SRCIN1: variants seen among roughly 807,000 people sequenced by gnomAD.
SRCIN1 encodes the protein P130Cas-associated protein.
In SRCIN1, 50 loss-of-function variants were observed where a neutral mutation model predicts 116.2. That is an observed-to-expected ratio of 0.43 (90% CI 0.34 to 0.54). The LOEUF is 0.54. Ranked by LOEUF, SRCIN1 falls within the 20% of genes least tolerant of loss-of-function variation. The pLI is 0.02. For missense variants in SRCIN1, 1,446 were observed against 1,672.0 expected (o/e 0.86, Z 2.36); for synonymous variants, 736 against 750.0 (o/e 0.98, Z 0.30).
intron 1 of SRCIN1, among the ~76,000 whole-genome samples, chr17:38,594,920 G>A (rs1225924311): frequency 6.6e-6 from 1 of 152,130 alleles, no homozygotes. Context: ...GCCTAATGAT[G>A]TTGCCCTTAG....
chr17:38,601,350 G>A (rs2143466195), intron 1 of SRCIN1, among the ~76,000 whole-genome samples: 1 of 152,316 alleles, frequency 6.6e-6, no homozygotes, highest in South Asian at 2.1e-4. Context: ...TCAGAGACAT[G>A]GGTGGGAGAT....
intron 3 of SRCIN1, among the ~76,000 whole-genome samples, chr17:38,566,344 T>C (rs912034717): frequency 2.6e-5 from 4 of 152,154 alleles, no homozygotes; most frequent in African/African-American, 9.7e-5. Context: ...TCTCACAGCC[T>C]GTACAGAAAA....
rs767393301 is a variant in SRCIN1 at position 38,559,718 on chromosome 17, G to A, written c.1892C>T (p.Pro631Leu). The change falls in exon 10 of 19, where the codon CCG (proline) becomes CTG (leucine). Residue 631 changes from proline (P) to leucine (L), a missense_variant. This residue lies in a region of SRCIN1 where 398 missense variants were observed against 385.6 expected (regional missense o/e 1.03). Transcript: ENST00000617146. ...SGATPVSGPP[P>L]PSASSTPAGQ... ...TGCGGGGGTGCTGCTGGCCGAGGGC[G>A]GGGGCGGGCCGGACACCGGGGTGGC... 3.2e-6 allele frequency: 5 copies of A among 1,571,040 alleles called. No individual in the cohort carries two copies. The highest frequency in any genetic ancestry group is 2.7e-5 in the African/African-American group (2 of 74,086).
Position 38,549,133 on chromosome 17 carries a change from G to A in SRCIN1, c.3040C>T (p.Pro1014Ser). The change falls in exon 16 of 19, where the codon CCC (proline) becomes TCC (serine). Residue 1014 changes from proline (P) to serine (S), a missense_variant. By Grantham distance (74) the Pro-to-Ser change is moderately conservative. Around this residue, in one of 5 missense-constraint regions of SRCIN1, gnomAD observed 531 missense variants for 633.9 expected, o/e 0.84. Transcript: ENST00000617146. ...PPPPPPRRSFPSSHGLTTTRT... is the reference protein window; with the variant it reads ...PPPPPPRRSFSSSHGLTTTRT... Reference sequence around the variant, plus strand: ...GTGGTGGTCAGGCCATGGGAGGAGGGGAAGCTCCGGCGGGGAGGGGGCGGT... The same window carrying A: ...GTGGTGGTCAGGCCATGGGAGGAGGAGAAGCTCCGGCGGGGAGGGGGCGGT... 1 of 1,604,810 alleles carries A rather than the reference G, an allele frequency of 6.2e-7. No individual in the cohort carries two copies. The highest frequency in any genetic ancestry group is 8.5e-7 in the Non-Finnish European group (1 of 1,176,680).
At position 38,561,756 on chromosome 17, in the gene SRCIN1, G is replaced by A; in HGVS notation, c.1407C>T (p.Arg469=). 1 of 1,512,480 alleles carries A rather than the reference G, an allele frequency of 6.6e-7. No individual in the cohort carries two copies. The highest frequency in any genetic ancestry group is 8.8e-7 in the Non-Finnish European group (1 of 1,136,316). The allele number at this position is 1,512,480 out of a possible 1,614,324, so 93.7% of individuals were successfully genotyped here. A position where few individuals can be genotyped will look rare whatever the true frequency, so the allele number is the denominator to read the frequency against. The part of the protein sequence containing the change: ...GPLYGDGYGF[R]LPPSSPQKLA... The stretch of plus-strand genomic sequence containing the variant: ...GCTTCTGCGGTGACGAAGGCGGCAG[G>A]CGGAAGCCGTAGCCGTCGCCGTACA... The change falls in exon 7 of 19, where the codon CGC becomes CGT. Residue 469 remains arginine (R), a synonymous_variant. Coordinates refer to ENST00000617146, the MANE Select transcript of SRCIN1 (RefSeq NM_025248.3).
chr17:38,605,463 C>T (rs951199569), intron 1 of SRCIN1, among the ~76,000 whole-genome samples: 1 of 149,716 alleles, frequency 6.7e-6, no homozygotes, highest in African/African-American at 2.5e-5. Flanking sequence ...TTCTCTGGTC[C>T]CAGCACTCCT....
chr17:38,556,140 G>C (rs923976117), intron 11 of SRCIN1, among the ~76,000 whole-genome samples: 3 of 152,216 alleles, frequency 2.0e-5, no homozygotes, highest in Non-Finnish European at 4.4e-5. Context: ...GTCAAGAGGG[G>C]AGAGTCAAAA....
At position 38,558,380 on chromosome 17, in the gene SRCIN1, C is replaced by T. The variant is rs751811578; in HGVS notation, c.2048G>A (p.Arg683His). 3.4e-5 allele frequency: 54 copies of T among 1,604,076 alleles called. 1 individual carries two copies. In the Middle Eastern group the frequency reaches 4.1e-3, roughly 123 times the overall value. ...KLQLQNQESV[R>H]ALLKRTEAEL... ...TGCCTCCGTGCGCTTCAGCAGCGCG[C>T]GCACCGACTCCTGGTTCTGTAGCTG... The change falls in exon 11 of 19, where the codon CGC (arginine) becomes CAC (histidine). Residue 683 changes from arginine to histidine, a missense_variant. Transcript: ENST00000617146. This position sits in a 1 kb window ranked among gnomAD's most constrained non-coding sequence, Gnocchi z 4.6.
chr17:38,572,863 C>T lies in SRCIN1; in HGVS notation c.325-4632G>A, dbSNP rs1319086797. ...CCGCCGTGCCGGCCCGGGCCCCAGT[C>T]GCCCCGGTAACCGCGACTCCACCTG... On this transcript the variant is annotated intron_variant, in intron 2 of 18. Coordinates refer to ENST00000617146, the MANE Select transcript of SRCIN1 (RefSeq NM_025248.3). The surrounding 1 kb of genome is among the most constrained non-coding windows in gnomAD (Gnocchi z 4.3). 6.6e-6 allele frequency: 1 copy of T among 151,952 alleles called. No individual in the cohort carries two copies. Among genetic ancestry groups the T allele is most frequent in the African/African-American group, 2.4e-5 (1 of 41,324 alleles). 9.4% of individuals were successfully genotyped at this position (151,952 alleles called of 1,614,324 possible).
chr17:38,533,767 A>AG (rs1199115753), intron 18 of SRCIN1, among the ~76,000 whole-genome samples: 1 of 9,622 alleles, frequency 1.0e-4, no homozygotes, highest in Admixed American at 1.3e-3. Context: ...GGGGTGGGGG[A>AG]GGGCAGGGGA....
chr17:38,569,035 C>T (rs1182818388), intron 2 of SRCIN1, among the ~76,000 whole-genome samples: 1 of 152,070 alleles, frequency 6.6e-6, no homozygotes, highest in Non-Finnish European at 1.5e-5. Context: ...CCAGGAACCT[C>T]ACTCACTGGG....
chr17:38,596,216 G>A (rs911262960), intron 1 of SRCIN1, among the ~76,000 whole-genome samples: 7 of 152,218 alleles, frequency 4.6e-5, no homozygotes, highest in Non-Finnish European at 1.0e-4. Context: ...GGAGGGGGCC[G>A]GGGCAGGGGC....
rs554982324 is a variant in SRCIN1, at chr17:38,589,039, A to G, written c.23-10248T>C. On this transcript the variant is annotated intron_variant, in intron 1 of 18. Coordinates refer to ENST00000617146, the MANE Select transcript of SRCIN1 (RefSeq NM_025248.3). ...CCCAGGCACACACATCTGCTCACTCATGCTTCTACGTCAAACCTGTGCACC... is the reference window on the plus strand; with the variant it reads ...CCCAGGCACACACATCTGCTCACTCGTGCTTCTACGTCAAACCTGTGCACC... 2.6e-5 allele frequency among the ~76,000 whole-genome samples: 4 copies of G among 152,258 alleles called. No homozygotes were observed. In the East Asian group the frequency reaches 7.7e-4, roughly 29 times the overall value.
Position 38,552,395 on chromosome 17 carries a change from C to T in SRCIN1, c.2480+52G>A. On this transcript the variant is annotated intron_variant, in intron 13 of 18. Transcript: ENST00000617146. This position sits in a 1 kb window ranked among gnomAD's most constrained non-coding sequence, Gnocchi z 5.3. ...TAAGGGTTCAGTATGACCTATGGGT[C>T]TGGGCCCGGTGTGTGAACCCATGGG... 1.3e-6 allele frequency: 2 copies of T among 1,559,600 alleles called. No homozygotes were observed. The highest frequency in any genetic ancestry group is 1.7e-6 in the Non-Finnish European group (2 of 1,155,012).
At position 38,604,170 on chromosome 17, in the gene SRCIN1, C is replaced by A. The variant is rs777764002; in HGVS notation, c.22+1514G>T. 6.6e-6 allele frequency among the ~76,000 whole-genome samples: 1 copy of A among 152,146 alleles called. No individual in the cohort carries two copies. Among genetic ancestry groups the A allele is most frequent in the Non-Finnish European group, 1.5e-5 (1 of 68,020 alleles). ...TCACCCAGACCAAGATACCAAGAGT[C>A]GGGAAGAAGGTATCCTGACGACCCC... On this transcript the variant is annotated intron_variant, in intron 1 of 18. Coordinates refer to ENST00000617146, the MANE Select transcript of SRCIN1 (RefSeq NM_025248.3). This position sits in a 1 kb window ranked among gnomAD's most constrained non-coding sequence, Gnocchi z 4.3.
intron 1 of SRCIN1, among the ~76,000 whole-genome samples, chr17:38,579,121 A>T (rs1405533468): frequency 6.6e-6 from 1 of 152,178 alleles, no homozygotes; most frequent in Non-Finnish European, 1.5e-5. Context: ...AAGGGGTAGA[A>T]GGTATCCTGA....
intron 18 of SRCIN1, among the ~76,000 whole-genome samples, chr17:38,534,398 T>C (rs2040971423): frequency 2.0e-5 from 3 of 152,206 alleles, no homozygotes; most frequent in Admixed American, 1.3e-4. Context: ...TGCTGCACAC[T>C]TACCTTTGAG....
intron 1 of SRCIN1, among the ~76,000 whole-genome samples, chr17:38,589,083 C>T (rs1363715586): frequency 6.6e-6 from 1 of 152,228 alleles, no homozygotes; most frequent in Non-Finnish European, 1.5e-5. Context: ...CGCCTGGCTG[C>T]CCAGTACTTG....
chr17:38,559,066 C>T, intron 10 of SRCIN1: 2 of 168,956 alleles, frequency 1.2e-5, no homozygotes, highest in Non-Finnish European at 2.5e-5. Flanking sequence ...ATTATCCTCA[C>T]CTGACGGCCC....
Sources: gnomAD v4.1 joint callset for allele counts (sites outside exome capture counted in the v4.1 genomes callset) on GRCh38, gnomAD v4.1.1 for gene constraint, gnomAD v4.1.1 regional missense constraint, Gnocchi (gnomAD v3.1) non-coding constraint, MANE v1.5 for transcripts, NCBI Gene and HGNC (gene_info 2026-07-23, HGNC 2026-07-21) for gene names.